Variants in PIKFYVE observed in about 807,000 individuals in gnomAD.
PIKFYVE encodes the protein 1-phosphatidylinositol 3-phosphate 5-kinase.
A neutral mutation model predicts 257.9 loss-of-function variants in PIKFYVE; 122 were observed. That is an observed-to-expected ratio of 0.47 (90% CI 0.41 to 0.55). The LOEUF is 0.55. PIKFYVE is among the 20% of genes least tolerant of loss of function. The pLI, the probability that PIKFYVE is intolerant of heterozygous loss-of-function variation, is 0.00. For synonymous variants in PIKFYVE, 892 were observed against 868.9 expected (o/e 1.03, Z -0.47); for missense variants, 2,160 against 2,536.6 (o/e 0.85, Z 3.19).
At chr2:208,286,773 G>A (rs1474798079) in intron 6 of PIKFYVE, among the ~76,000 whole-genome samples, 3 of 151,672 alleles carry the variant, frequency 2.0e-5, no homozygotes, top group African/African-American at 4.9e-5. Flanking sequence ...TCCCACCTCA[G>A]CTTCCCAAAG....
Position 208,351,469 on chromosome 2 carries a change from A to G in PIKFYVE, c.5715+14A>G. The G allele has an allele frequency of 6.3e-7, 1 of 1,581,338 alleles. No individual in the cohort carries two copies. The highest frequency in any genetic ancestry group is 8.7e-7 in the Non-Finnish European group (1 of 1,150,324). On this transcript the variant is annotated intron_variant, in intron 38 of 41. Transcript: ENST00000264380. The stretch of plus-strand genomic sequence containing the variant: ...GTTCAACAAAAGGTAGAAATCTAAA[A>G]CCATGGTCTGTAATCAAAGTTTGGT...
chr2:208,351,502 T>C, intron 38 of PIKFYVE, 47 bp downstream of exon 38: 1 of 1,391,140 alleles, frequency 7.2e-7, no homozygotes, highest in Non-Finnish European at 1.0e-6. Context: ...GGTGGCTTTT[T>C]TCACATCCTG....
chr2:208,326,234 T>C lies in PIKFYVE; in HGVS notation c.3423T>C (p.His1141=), dbSNP rs1348740829. 4 of 1,593,022 alleles carry C rather than the reference T, an allele frequency of 2.5e-6. No homozygotes were observed. The highest frequency in any genetic ancestry group is 2.3e-5 in the South Asian group (2 of 87,308). ...TAGTGAGCACTAGAATTGCTGAGCATCTGGGCGATAGCCAGAGCTTGGGTA... is the reference window on the plus strand; with the variant it reads ...TAGTGAGCACTAGAATTGCTGAGCACCTGGGCGATAGCCAGAGCTTGGGTA... ...HELVSTRIAE[H]LGDSQSLGRM... is the part of the protein sequence containing the mutation. The change falls in exon 20 of 42, where the codon CAT becomes CAC. Residue 1141 remains histidine (H), a synonymous_variant. Transcript: ENST00000264380.
intron 29 of PIKFYVE, 25 bp from the exon 30 acceptor site, chr2:208,339,393 C>T: frequency 6.2e-7 from 1 of 1,612,750 alleles, no homozygotes; most frequent in Non-Finnish European, 8.5e-7. Context: ...GTAAATGACT[C>T]ATTTAAGATT....
rs919075495 is a variant in PIKFYVE at position 208,358,699 on chromosome 2, T to C, written c.*3394T>C. On this transcript the variant is annotated 3_prime_UTR_variant, in exon 42 of 42. Transcript: ENST00000264380. The stretch of plus-strand genomic sequence containing the variant: ...ATAACTGCCTTGAACTTTTGGAGAC[T>C]TGTACTGTAAATAAAGAAATCTTAA... 6.6e-6 allele frequency: 1 copy of C among 152,646 alleles called. No individual in the cohort carries two copies. The highest frequency in any genetic ancestry group is 1.5e-5 in the Non-Finnish European group (1 of 68,044). The allele number at this position is 152,646 out of a possible 1,614,324, so 9.5% of individuals were successfully genotyped here.
Position 208,354,088 on chromosome 2 carries a change from A to T in PIKFYVE, c.6035A>T (p.His2012Leu), listed in dbSNP as rs1476559209. ...AGTGACTCCCATTTCCTTTCTAGCC[A>T]CCTCATTATAGATTATTCTTTGCTG... ...IHSDSHFLSS[H>L]LIIDYSLLVG... Residue 2012 changes from histidine to leucine, a missense_variant, in exon 40 of 42, where the codon CAC (histidine) becomes CTC (leucine). By Grantham distance (99) the His-to-Leu change is moderately conservative (BLOSUM62 -3). This residue lies in a region of PIKFYVE where 699 missense variants were observed against 855.8 expected (regional missense o/e 0.82). Coordinates refer to ENST00000264380, the MANE Select transcript of PIKFYVE (RefSeq NM_015040.4). 3 of 1,613,978 alleles carry T rather than the reference A, an allele frequency of 1.9e-6. No individual in the cohort carries two copies. The highest frequency in any genetic ancestry group is 2.5e-6 in the Non-Finnish European group (3 of 1,179,906).
rs1269500816 is a variant in PIKFYVE at position 208,356,644 on chromosome 2, A to G, written c.*1339A>G. The G allele has an allele frequency of 6.6e-6, 1 of 152,662 alleles. No individual in the cohort carries two copies. The highest frequency in any genetic ancestry group is 2.4e-5 in the African/African-American group (1 of 41,440). 9.5% of individuals were successfully genotyped at this position (152,662 alleles called of 1,614,324 possible). A position where few individuals can be genotyped will look rare whatever the true frequency, so the allele number is the denominator to read the frequency against. ...ATTCCAGCCTGGGCAACAGAGCAAGACTGTCTCAAAAAACAAAACGAAACA... is the reference window on the plus strand; with the variant it reads ...ATTCCAGCCTGGGCAACAGAGCAAGGCTGTCTCAAAAAACAAAACGAAACA... On this transcript the variant is annotated 3_prime_UTR_variant, in exon 42 of 42. Transcript: ENST00000264380.
chr2:208,351,004 G>GA, intron 37 of PIKFYVE, 57 bp downstream of exon 37: 1 of 1,598,380 alleles, frequency 6.3e-7, no homozygotes, highest in Admixed American at 1.7e-5. Context: ...CTTTACCTCA[G>GA]AAAATGCAGC....
At chr2:208,353,351 G>C (rs1015822289) in intron 39 of PIKFYVE, among the ~76,000 whole-genome samples, 7 of 152,194 alleles carry the variant, frequency 4.6e-5, no homozygotes, top group African/African-American at 1.7e-4. Context: ...TGAGCCAGGA[G>C]CAACTGACCA....
Position 208,288,746 on chromosome 2 carries a change from C to T in PIKFYVE, c.839C>T (p.Ser280Phe). The T allele has an allele frequency of 6.2e-7, 1 of 1,613,906 alleles. No individual in the cohort carries two copies. The highest frequency in any genetic ancestry group is 8.5e-7 in the Non-Finnish European group (1 of 1,179,948). The change falls in exon 7 of 42, where the codon TCC becomes TTC. Residue 280 changes from serine (S) to phenylalanine (F), a missense_variant. By Grantham distance (155) the Ser-to-Phe change is radical. Transcript: ENST00000264380. The stretch of plus-strand genomic sequence containing the variant: ...CTTTATAGTTTGATTCATCCAGATT[C>T]CTCAAATACTCCTCTTTCAACAAGA... ...LAWQSLIHPD[S>F]SNTPLSTRLV...
At chr2:208,354,830 A>G (rs1360400874) in intron 41 of PIKFYVE, among the ~76,000 whole-genome samples, 185 bp downstream of exon 41, 1 of 152,226 alleles carries the variant, frequency 6.6e-6, no homozygotes, top group Non-Finnish European at 1.5e-5. Context: ...GGGTGTAAAT[A>G]TGTGTTAAAA....
intron 35 of PIKFYVE, among the ~76,000 whole-genome samples, chr2:208,349,268 G>A (rs957452544): frequency 2.0e-5 from 3 of 152,058 alleles, no homozygotes; most frequent in African/African-American, 7.2e-5. Flanking sequence ...TTTATAATGG[G>A]ATCCTTGGAA....
intron 1 of PIKFYVE, among the ~76,000 whole-genome samples, chr2:208,270,966 G>T (rs1689346874): frequency 6.6e-6 from 1 of 151,638 alleles, no homozygotes; most frequent in Non-Finnish European, 1.5e-5. Context: ...AACCTGGGAG[G>T]TGGAGGTTGC....
chr2:208,271,344 A>C (rs79190829), intron 1 of PIKFYVE, among the ~76,000 whole-genome samples, 167 bp from the exon 2 acceptor site: 178 of 152,354 alleles, frequency 1.2e-3, no homozygotes, highest in Non-Finnish European at 2.0e-3. Context: ...TTTAGATAGC[A>C]GTGTTTTCAG....
intron 21 of PIKFYVE, among the ~76,000 whole-genome samples, chr2:208,329,183 GT>G (rs1458358274): frequency 1.3e-5 from 2 of 152,076 alleles, no homozygotes; most frequent in Non-Finnish European, 2.9e-5. Context: ...ATAACTTCTT[GT>G]TTGGGGGCAC....
chr2:208,306,266 A>G (rs1694302759), intron 12 of PIKFYVE, among the ~76,000 whole-genome samples: 2 of 152,230 alleles, frequency 1.3e-5, no homozygotes, highest in Admixed American at 1.3e-4. Context: ...AATTGGAAAA[A>G]TGATGGAGAA....
intron 12 of PIKFYVE, chr2:208,305,511 T>G: frequency 1.2e-6 from 1 of 855,022 alleles, no homozygotes; most frequent in Non-Finnish European, 1.4e-6. Context: ...ATTATGTATA[T>G]TCTATATTTA....
chr2:208,303,250 CAT>C (rs1269764275), intron 10 of PIKFYVE, among the ~76,000 whole-genome samples: 1 of 142,056 alleles, frequency 7.0e-6, no homozygotes, highest in Non-Finnish European at 1.5e-5. Flanking sequence ...CACACACACA[CAT>C]ATATAAACAT....
intron 41 of PIKFYVE, 80 bp downstream of exon 41, chr2:208,354,725 T>A: frequency 9.0e-7 from 1 of 1,107,346 alleles, no homozygotes; most frequent in Non-Finnish European, 1.4e-6. Context: ...CTGATTCTTT[T>A]TTTTAGTTGT....
Sources: gnomAD v4.1 joint callset for allele counts (sites outside exome capture counted in the v4.1 genomes callset) on GRCh38, gnomAD v4.1.1 for gene constraint, gnomAD v4.1.1 regional missense constraint, MANE v1.5 for transcripts, NCBI Gene and HGNC (gene_info 2026-07-23, HGNC 2026-07-21) for gene names.